The following PLCB1 variants were observed in gnomAD, a reference collection of about 807,000 sequenced individuals.
The protein encoded by PLCB1 is 1-phosphatidylinositol 4,5-bisphosphate phosphodiesterase beta-1.
Under a neutral mutation model 161.8 loss-of-function variants are expected in PLCB1, and 46 were observed. The observed-to-expected ratio is 0.28, with a 90% confidence interval of 0.22 to 0.36. The LOEUF (loss-of-function observed/expected upper bound fraction) is 0.36, where lower values mean the gene tolerates loss of function less well. PLCB1 is among the 10% of genes least tolerant of loss of function. PLCB1 has a pLI of 1.00. For synonymous variants in PLCB1, 517 were observed against 503.7 expected (o/e 1.03, Z -0.35); for missense variants, 1,016 against 1,472.5 (o/e 0.69, Z 5.07).
At chr20:8,297,701 G>A (rs181671351) in intron 2 of PLCB1, among the ~76,000 whole-genome samples, 101 of 152,124 alleles carry the variant, frequency 6.6e-4, no homozygotes, top group African/African-American at 2.2e-3. Flanking sequence ...TAAAAGGTGA[G>A]GCATAGACAT....
At chr20:8,474,063 A>T (rs1982166101) in intron 3 of PLCB1, among the ~76,000 whole-genome samples, 1 of 152,188 alleles carries the variant, frequency 6.6e-6, no homozygotes, top group Admixed American at 6.5e-5. Context: ...TTAGGCAGGA[A>T]TATCATTAGG....
At chr20:8,316,625 A>G (rs1984667170) in intron 2 of PLCB1, among the ~76,000 whole-genome samples, 3 of 152,070 alleles carry the variant, frequency 2.0e-5, no homozygotes, top group South Asian at 2.1e-4. Flanking sequence ...TAATCCCAGA[A>G]CTATTCTCTA....
Position 8,167,304 on chromosome 20 carries a change from T to C in PLCB1, c.177+16933T>C, listed in dbSNP as rs144605291. 2.1e-3 allele frequency among the ~76,000 whole-genome samples: 323 copies of C among 152,312 alleles called. 3 individuals are homozygous for C. The highest frequency in any genetic ancestry group is 0.017 in the Middle Eastern group (5 of 294). ...AGTTGGAGGAGTGACTGCAGTGTTT[T>C]TATTACCATTGGAAATATAGTAAAA... On this transcript the variant is annotated intron_variant, in intron 2 of 31. Transcript: ENST00000338037.
At chr20:8,855,822 T>G (rs1286106090) in intron 31 of PLCB1, among the ~76,000 whole-genome samples, 1 of 152,226 alleles carries the variant, frequency 6.6e-6, no homozygotes, top group Non-Finnish European at 1.5e-5. Context: ...GTCACTTAAA[T>G]TTTGTGGTCT....
At chr20:8,158,313 C>A (rs1337817249) in intron 2 of PLCB1, among the ~76,000 whole-genome samples, 2 of 152,120 alleles carry the variant, frequency 1.3e-5, no homozygotes, top group African/African-American at 4.8e-5. Flanking sequence ...TTCTGTAGTT[C>A]ATTTTCTTGC....
At chr20:8,625,651 T>C (rs1988315868) in intron 3 of PLCB1, among the ~76,000 whole-genome samples, 1 of 152,256 alleles carries the variant, frequency 6.6e-6, no homozygotes, top group Non-Finnish European at 1.5e-5. Flanking sequence ...TAAAATATTG[T>C]GGTTTCTTCT....
chr20:8,223,346 T>TC (rs1418394541), intron 2 of PLCB1, among the ~76,000 whole-genome samples: 1 of 152,106 alleles, frequency 6.6e-6, no homozygotes, highest in East Asian at 1.9e-4. Context: ...ATTTTTACCA[T>TC]CACATTGGAT....
intron 2 of PLCB1, among the ~76,000 whole-genome samples, chr20:8,313,893 C>T (rs1330302638): frequency 6.6e-6 from 1 of 152,082 alleles, no homozygotes; most frequent in Non-Finnish European, 1.5e-5. Flanking sequence ...TTTTATATTA[C>T]TTTATAGTCA....
intron 3 of PLCB1, among the ~76,000 whole-genome samples, chr20:8,519,812 A>G (rs1045374634): frequency 3.9e-5 from 6 of 152,194 alleles, no homozygotes; most frequent in Non-Finnish European, 8.8e-5. Context: ...TTAAGGCAAT[A>G]TGAGGACATC....
At chr20:8,355,233 AAAAG>A (rs1356413492) in intron 2 of PLCB1, among the ~76,000 whole-genome samples, 2 of 152,158 alleles carry the variant, frequency 1.3e-5, no homozygotes, top group African/African-American at 2.4e-5. Flanking sequence ...CTTAAAAAAA[AAAAG>A]AAAGAAAGAA....
rs188003596 is a variant in PLCB1 at position 8,869,956 on chromosome 20, G to A, written c.3424-11666G>A. On this transcript the variant is annotated intron_variant, in intron 31 of 31. Transcript: ENST00000338037. Reference sequence around the variant, plus strand: ...ACTAGAGTAGTCTAAGCATGTTCCCGTGACATGCCATAGGAATAGGAGTGA... The same window carrying A: ...ACTAGAGTAGTCTAAGCATGTTCCCATGACATGCCATAGGAATAGGAGTGA... Among the ~76,000 whole-genome samples the A allele has an allele frequency of 1.2e-3, 176 of 152,310 alleles. No homozygotes were observed. The Middle Eastern group carries it at 0.017, about 15-fold the overall frequency.
chr20:8,321,723 A>T (rs1463272134), intron 2 of PLCB1, among the ~76,000 whole-genome samples: 3 of 152,176 alleles, frequency 2.0e-5, no homozygotes, highest in African/African-American at 2.4e-5. Context: ...TCACCAAAAT[A>T]TTCCCAAATA....
chr20:8,620,864 C>T (rs1243121386), intron 3 of PLCB1, among the ~76,000 whole-genome samples: 1 of 150,970 alleles, frequency 6.6e-6, no homozygotes, highest in African/African-American at 2.4e-5. Flanking sequence ...ACAAAGGGAA[C>T]ATCGTGTTTG....
At chr20:8,231,181 A>ATACATAG (rs2123184019) in intron 2 of PLCB1, among the ~76,000 whole-genome samples, 1 of 152,288 alleles carries the variant, frequency 6.6e-6, no homozygotes, top group East Asian at 1.9e-4. Context: ...GTATGCATGT[A>ATACATAG]TCACATGCTT....
intron 12 of PLCB1, among the ~76,000 whole-genome samples, chr20:8,710,658 G>T (rs1480450525): frequency 1.3e-5 from 2 of 151,838 alleles, no homozygotes; most frequent in South Asian, 2.1e-4. Flanking sequence ...GGGATTACAG[G>T]CATGCACCAC....
chr20:8,273,697 T>C (rs1258693636), intron 2 of PLCB1, among the ~76,000 whole-genome samples: 1 of 152,184 alleles, frequency 6.6e-6, no homozygotes, highest in Non-Finnish European at 1.5e-5. Context: ...GCAATCACAA[T>C]TTTCATTTAT....
In PLCB1 at chr20:8,612,999, G is replaced by T. The variant is rs371254917; in HGVS notation, c.247-15295G>T. ...AGAGACAGATCTGGATGTGAGATGT[G>T]TGGGTGGGTACAAGCCCATTCTGTT... On this transcript the variant is annotated intron_variant, in intron 3 of 31. Transcript: ENST00000338037. Among the ~76,000 whole-genome samples the T allele has an allele frequency of 2.0e-5, 3 of 152,188 alleles. No individual in the cohort carries two copies. In the East Asian group the frequency reaches 5.8e-4, roughly 29 times the overall value.
intron 5 of PLCB1, among the ~76,000 whole-genome samples, chr20:8,646,501 A>T (rs560509485): frequency 2.2e-4 from 34 of 152,328 alleles, no homozygotes; most frequent in African/African-American, 8.2e-4. Context: ...TTAATTTCAG[A>T]TAATCCTCTG....
intron 31 of PLCB1, among the ~76,000 whole-genome samples, chr20:8,805,270 A>G (rs1329918491): frequency 6.6e-6 from 1 of 152,200 alleles, no homozygotes; most frequent in Non-Finnish European, 1.5e-5. Context: ...TTAAATAGCT[A>G]CAAATCACTG....
Sources: gnomAD v4.1 joint callset for allele counts (sites outside exome capture counted in the v4.1 genomes callset) on GRCh38, gnomAD v4.1.1 for gene constraint, MANE v1.5 for transcripts, NCBI Gene and HGNC (gene_info 2026-07-23, HGNC 2026-07-21) for gene names.